Variants in TRPC4 observed in about 807,000 individuals in gnomAD.
TRPC4 encodes transient receptor potential cation channel subfamily C member 4, also known as short transient receptor potential channel 4.
Under a neutral mutation model 99.4 loss-of-function variants are expected in TRPC4, and 49 were observed. The ratio of observed to expected loss-of-function variants is 0.49; its 90% CI spans 0.39 to 0.63. TRPC4 has a LOEUF of 0.63. Ranked by LOEUF, TRPC4 falls within the 20% of genes least tolerant of loss-of-function variation. The probability of loss-of-function intolerance (pLI) is 0.00; values close to 1 mark genes in which losing one functional copy is unlikely to be tolerated. For missense variants in TRPC4, 898 were observed against 1,152.9 expected (o/e 0.78, Z 3.20); for synonymous variants, 454 against 425.9 (o/e 1.07, Z -0.81).
intron 3 of TRPC4, among the ~76,000 whole-genome samples, chr13:37,724,926 G>A (rs1457029272): frequency 6.6e-6 from 1 of 152,124 alleles, no homozygotes; most frequent in African/African-American, 2.4e-5. Context: ...ATCAATAGAA[G>A]TTGTTTCTGA....
intron 3 of TRPC4, among the ~76,000 whole-genome samples, chr13:37,745,001 A>C (rs534491077): frequency 1.3e-5 from 2 of 152,302 alleles, no homozygotes; most frequent in East Asian, 3.9e-4. Context: ...ACAAATCAAA[A>C]AAATGAGCAA....
chr13:37,639,149 G>C lies in TRPC4; in HGVS notation c.2122-20C>G, dbSNP rs1272344745. ...AACTTCCTGAGGCATTTTAGAACAA[G>C]AGTATTGATACTCAATGAGTAAATA... On this transcript the variant is annotated intron_variant, in intron 9 of 10. Coordinates refer to ENST00000379705, the MANE Select transcript of TRPC4 (RefSeq NM_016179.4). 6.2e-7 allele frequency: 1 copy of C among 1,613,454 alleles called. No homozygotes were observed. The highest frequency in any genetic ancestry group is 1.7e-4 in the Middle Eastern group (1 of 6,060).
chr13:37,670,379 A>T (rs962151057), intron 5 of TRPC4, among the ~76,000 whole-genome samples: 1 of 152,144 alleles, frequency 6.6e-6, no homozygotes, highest in East Asian at 1.9e-4. Flanking sequence ...CAGTTCCATG[A>T]CTTAACCAAA....
chr13:37,657,417 G>A (rs954207850), intron 6 of TRPC4, among the ~76,000 whole-genome samples: 2 of 152,302 alleles, frequency 1.3e-5, no homozygotes, highest in South Asian at 2.1e-4. Flanking sequence ...TTGGCCCATG[G>A]CCATGAATTC....
At chr13:37,789,825 T>A (rs939937134) in intron 1 of TRPC4, among the ~76,000 whole-genome samples, 8 of 152,134 alleles carry the variant, frequency 5.3e-5, no homozygotes, top group African/African-American at 1.9e-4. Flanking sequence ...CATCTTTACT[T>A]CCTAAAATCT....
At chr13:37,808,669 C>T (rs1333066769) in intron 1 of TRPC4, among the ~76,000 whole-genome samples, 1 of 151,888 alleles carries the variant, frequency 6.6e-6, no homozygotes, top group Admixed American at 6.6e-5. Flanking sequence ...CATTGTGCTC[C>T]AAGTAAGGGA....
At chr13:37,824,486 T>A (rs1593264526) in intron 1 of TRPC4, among the ~76,000 whole-genome samples, 1 of 151,888 alleles carries the variant, frequency 6.6e-6, no homozygotes, top group Admixed American at 6.6e-5. Context: ...GCATGAAGGG[T>A]TGTTGAATTT....
At chr13:37,691,847 G>T in intron 4 of TRPC4, 152 bp downstream of exon 4, 1 of 709,402 alleles carries the variant, frequency 1.4e-6, no homozygotes, top group Non-Finnish European at 2.2e-6. Flanking sequence ...TAAAATAGTT[G>T]TTTGGCTTTG....
chr13:37,827,873 C>T (rs12855806), intron 1 of TRPC4, among the ~76,000 whole-genome samples: 3 of 151,974 alleles, frequency 2.0e-5, no homozygotes, highest in Non-Finnish European at 4.4e-5. Context: ...CCCCTAGCCT[C>T]GCTGCTGCCT....
At chr13:37,770,027 T>C (rs1471071320) in intron 2 of TRPC4, among the ~76,000 whole-genome samples, 1 of 151,528 alleles carries the variant, frequency 6.6e-6, no homozygotes, top group African/African-American at 2.4e-5. Flanking sequence ...TCCATATTTT[T>C]CTAGATTCCA....
intron 8 of TRPC4, among the ~76,000 whole-genome samples, chr13:37,649,153 G>T (rs1039525923): frequency 6.6e-6 from 1 of 152,144 alleles, no homozygotes; most frequent in East Asian, 1.9e-4. Context: ...TAAAGGATAA[G>T]TATATTTGAT....
chr13:37,668,781 T>C (rs1437225501), intron 5 of TRPC4, among the ~76,000 whole-genome samples: 2 of 152,170 alleles, frequency 1.3e-5, no homozygotes, highest in African/African-American at 4.8e-5. Flanking sequence ...TGAGATTAAA[T>C]AAGAAACATA....
chr13:37,805,319 A>T (rs1957504552), intron 1 of TRPC4, among the ~76,000 whole-genome samples: 1 of 152,072 alleles, frequency 6.6e-6, no homozygotes, highest in Non-Finnish European at 1.5e-5. Context: ...ATGACAAATT[A>T]CATGACTGCT....
At chr13:37,747,485 T>C (rs1398016877) in intron 2 of TRPC4, among the ~76,000 whole-genome samples, 1 of 151,988 alleles carries the variant, frequency 6.6e-6, no homozygotes, top group Non-Finnish European at 1.5e-5. Flanking sequence ...AAGTTAATGC[T>C]ACATAAGGGC....
chr13:37,797,445 C>A (rs667684), intron 1 of TRPC4, among the ~76,000 whole-genome samples: 140,834 of 152,218 alleles, frequency 0.93, 65,588 homozygotes, highest in Non-Finnish European at 0.97. Context: ...TTCTACATGA[C>A]GATTCTCACT....
intron 3 of TRPC4, among the ~76,000 whole-genome samples, chr13:37,742,266 T>C (rs1955614420): frequency 6.6e-6 from 1 of 152,174 alleles, no homozygotes; most frequent in African/African-American, 2.4e-5. Context: ...AATCAAATCC[T>C]GCCAACATTA....
At chr13:37,691,856 TG>T in intron 4 of TRPC4, 142 bp downstream of exon 4, 1 of 766,238 alleles carries the variant, frequency 1.3e-6, no homozygotes, top group Non-Finnish European at 2.0e-6. Flanking sequence ...TGTTTGGCTT[TG>T]GGGGTGAGGT....
intron 1 of TRPC4, among the ~76,000 whole-genome samples, chr13:37,794,863 A>G (rs537503719): frequency 2.0e-5 from 3 of 152,294 alleles, no homozygotes; most frequent in Non-Finnish European, 4.4e-5. Flanking sequence ...CAAAGAAACT[A>G]TCTCCAGAAT....
At chr13:37,829,335 A>T (rs1373079962) in intron 1 of TRPC4, among the ~76,000 whole-genome samples, 1 of 152,230 alleles carries the variant, frequency 6.6e-6, no homozygotes, top group Non-Finnish European at 1.5e-5. Context: ...AAAGATTATA[A>T]ATGGCTATTA....
Sources: gnomAD v4.1 joint callset for allele counts (sites outside exome capture counted in the v4.1 genomes callset) on GRCh38, gnomAD v4.1.1 for gene constraint, MANE v1.5 for transcripts, NCBI Gene and HGNC (gene_info 2026-07-23, HGNC 2026-07-21) for gene names.